PDE7B: variants seen among roughly 807,000 people sequenced by gnomAD.
PDE7B encodes the protein 3',5'-cyclic-AMP phosphodiesterase 7B.
In PDE7B, 29 loss-of-function variants were observed where a neutral mutation model predicts 56.2. That is an observed-to-expected ratio of 0.52 (90% CI 0.38 to 0.70). The LOEUF (loss-of-function observed/expected upper bound fraction) is 0.70, where lower values mean the gene tolerates loss of function less well. PDE7B is among the 30% of genes least tolerant of loss of function. The pLI, the probability that PDE7B is intolerant of heterozygous loss-of-function variation, is 0.00. For missense variants in PDE7B, 490 were observed against 565.0 expected (o/e 0.87, Z 1.35); for synonymous variants, 197 against 196.9 (o/e 1.00, Z 0.00).
intron 1 of PDE7B, among the ~76,000 whole-genome samples, chr6:135,866,257 C>T (rs1327438703): frequency 6.6e-6 from 1 of 152,006 alleles, no homozygotes; most frequent in Non-Finnish European, 1.5e-5. Flanking sequence ...TTTATTTGTA[C>T]CCACATCTAC....
chr6:135,988,495 A>G (rs1775420226), intron 2 of PDE7B, among the ~76,000 whole-genome samples: 2 of 152,230 alleles, frequency 1.3e-5, no homozygotes, highest in Admixed American at 1.3e-4. Context: ...ACATTTTAAG[A>G]GCCCACTGTT....
At chr6:135,898,439 G>A (rs9373154) in intron 1 of PDE7B, among the ~76,000 whole-genome samples, 87,876 of 151,794 alleles carry the variant, frequency 0.58, 25,573 homozygotes, top group East Asian at 0.73. Context: ...ATAGTGACCT[G>A]TAATCATGTC....
At position 136,192,682 on chromosome 6, in the gene PDE7B, T is replaced by C. The variant is rs1779250318; in HGVS notation, c.*842T>C. The C allele has an allele frequency of 6.6e-6, 1 of 152,664 alleles. No homozygotes were observed. Among genetic ancestry groups the C allele is most frequent in the Admixed American group, 6.5e-5 (1 of 15,284 alleles). 9.5% of individuals were successfully genotyped at this position (152,664 alleles called of 1,614,324 possible). Reference sequence around the variant, plus strand: ...CCCATGCCAAAATACATGAGTATTATGGGATTGCTACCTGTATAAACAATG... The same window carrying C: ...CCCATGCCAAAATACATGAGTATTACGGGATTGCTACCTGTATAAACAATG... On this transcript the variant is annotated 3_prime_UTR_variant, in exon 13 of 13. Coordinates refer to ENST00000308191, the MANE Select transcript of PDE7B (RefSeq NM_018945.4).
chr6:136,133,374 A>G (rs980776444), intron 3 of PDE7B, among the ~76,000 whole-genome samples: 5 of 152,126 alleles, frequency 3.3e-5, no homozygotes, highest in Admixed American at 3.3e-4. Flanking sequence ...ATCTACCATC[A>G]TTCTAAAGAT....
At chr6:135,926,262 T>C (rs1229359919) in intron 1 of PDE7B, among the ~76,000 whole-genome samples, 2 of 151,994 alleles carry the variant, frequency 1.3e-5, no homozygotes, top group African/African-American at 4.8e-5. Context: ...AATTTTTTTG[T>C]ATTTTTGGTA....
chr6:135,856,321 G>C (rs1032974242), intron 1 of PDE7B, among the ~76,000 whole-genome samples: 4 of 152,168 alleles, frequency 2.6e-5, no homozygotes, highest in African/African-American at 9.7e-5. Context: ...GGCATGCTTT[G>C]TGAAAATTGT....
intron 2 of PDE7B, among the ~76,000 whole-genome samples, chr6:136,088,024 T>C (rs1777321142): frequency 6.6e-6 from 1 of 152,202 alleles, no homozygotes; most frequent in Non-Finnish European, 1.5e-5. Context: ...GGACAATCAG[T>C]GGCAAATCTG....
chr6:136,172,652 G>A (rs1778908936), intron 8 of PDE7B, among the ~76,000 whole-genome samples: 1 of 151,736 alleles, frequency 6.6e-6, no homozygotes, highest in African/African-American at 2.4e-5. Flanking sequence ...GATCCCATTT[G>A]TCAATTTTGG....
chr6:136,189,441 T>C (rs1422880169), intron 12 of PDE7B, among the ~76,000 whole-genome samples: 1 of 152,084 alleles, frequency 6.6e-6, no homozygotes, highest in Admixed American at 6.5e-5. Flanking sequence ...TGTGGTGGCA[T>C]GTGCCTGTAG....
At chr6:135,978,697 C>T (rs1010186043) in intron 2 of PDE7B, among the ~76,000 whole-genome samples, 5 of 151,860 alleles carry the variant, frequency 3.3e-5, no homozygotes, top group Non-Finnish European at 5.9e-5. Flanking sequence ...ACTTTTGAAA[C>T]TTGTGTTAAA....
intron 1 of PDE7B, among the ~76,000 whole-genome samples, chr6:135,870,386 T>C (rs912393146): frequency 1.3e-5 from 2 of 151,878 alleles, no homozygotes; most frequent in East Asian, 1.9e-4. Context: ...GTAAAACTGG[T>C]GGAGGGTGCT....
At chr6:136,000,576 C>A (rs1188724509) in intron 2 of PDE7B, among the ~76,000 whole-genome samples, 1 of 152,214 alleles carries the variant, frequency 6.6e-6, no homozygotes, top group South Asian at 2.1e-4. Flanking sequence ...GGCCTTATTT[C>A]TGGGCTTTCT....
chr6:136,184,349 A>T (rs929831698), intron 11 of PDE7B, among the ~76,000 whole-genome samples: 1 of 152,230 alleles, frequency 6.6e-6, no homozygotes, highest in Non-Finnish European at 1.5e-5. Context: ...GAGAAGATCC[A>T]GTACCTTGAA....
intron 1 of PDE7B, among the ~76,000 whole-genome samples, chr6:135,893,839 C>T (rs1775851809): frequency 6.6e-6 from 1 of 152,078 alleles, no homozygotes; most frequent in African/African-American, 2.4e-5. Flanking sequence ...AATAATTACA[C>T]CATCGTCATT....
At chr6:135,868,607 T>G (rs1410115199) in intron 1 of PDE7B, among the ~76,000 whole-genome samples, 1 of 152,118 alleles carries the variant, frequency 6.6e-6, no homozygotes. Flanking sequence ...AATTTTTGTA[T>G]TTTTAGTAGA....
At chr6:136,003,787 G>C (rs1034889978) in intron 2 of PDE7B, among the ~76,000 whole-genome samples, 1 of 152,140 alleles carries the variant, frequency 6.6e-6, no homozygotes, top group Non-Finnish European at 1.5e-5. Context: ...GGAGGAACTG[G>C]TACCATTCCT....
intron 1 of PDE7B, among the ~76,000 whole-genome samples, chr6:135,877,256 T>G (rs917597357): frequency 2.0e-5 from 3 of 152,048 alleles, no homozygotes; most frequent in Non-Finnish European, 2.9e-5. Flanking sequence ...TTCTTTTTTA[T>G]TTTTTATTTT....
intron 1 of PDE7B, among the ~76,000 whole-genome samples, chr6:135,896,847 C>T (rs555325425): frequency 1.9e-4 from 29 of 152,232 alleles, no homozygotes; most frequent in Middle Eastern, 3.4e-3. Context: ...CTTCCAGCTC[C>T]ATCTCTGACC....
intron 2 of PDE7B, among the ~76,000 whole-genome samples, chr6:136,053,240 G>A (rs192031200): frequency 2.7e-4 from 34 of 126,048 alleles, no homozygotes; most frequent in Middle Eastern, 7.0e-3. Flanking sequence ...CCCGGTGTGT[G>A]ATGTTCCCCT....
Sources: gnomAD v4.1 joint callset for allele counts (sites outside exome capture counted in the v4.1 genomes callset) on GRCh38, gnomAD v4.1.1 for gene constraint, MANE v1.5 for transcripts, NCBI Gene and HGNC (gene_info 2026-07-23, HGNC 2026-07-21) for gene names.